BCKDHA: variants seen among roughly 807,000 people sequenced by gnomAD.
BCKDHA encodes branched chain keto acid dehydrogenase E1 subunit alpha, also known as 2-oxoisovalerate dehydrogenase subunit alpha, mitochondrial.
In BCKDHA, 43 loss-of-function variants were observed where a neutral mutation model predicts 52.2. The ratio of observed to expected loss-of-function variants is 0.82; its 90% CI spans 0.64 to 1.06. The LOEUF (loss-of-function observed/expected upper bound fraction) is 1.06, where lower values mean the gene tolerates loss of function less well. BCKDHA is among the 50% of genes least tolerant of loss of function. The pLI is 0.00. For synonymous variants in BCKDHA, 234 were observed against 247.9 expected, an observed-to-expected ratio of 0.94 and a Z score of 0.53; for missense variants, 527 against 621.3, an observed-to-expected ratio of 0.85 and a Z score of 1.61.
chr19:41,400,070 TTTC>T (rs1158304848), intron 1 of BCKDHA, among the ~76,000 whole-genome samples: 1 of 151,332 alleles, frequency 6.6e-6, no homozygotes, highest in Non-Finnish European at 1.5e-5. Context: ...CGCCTAGCCT[TTTC>T]TTTTTTTGAG....
intron 4 of BCKDHA, 32 bp downstream of exon 4, chr19:41,414,189 C>T: frequency 1.9e-6 from 3 of 1,588,974 alleles, no homozygotes; most frequent in Admixed American, 1.7e-5. Flanking sequence ...CCCTGTGGTC[C>T]CCATTGAAGT....
intron 1 of BCKDHA, among the ~76,000 whole-genome samples, chr19:41,401,092 T>C (rs2039134236): frequency 6.6e-6 from 1 of 152,046 alleles, no homozygotes; most frequent in African/African-American, 2.4e-5. Context: ...TTTTGTTTTT[T>C]CGAGGTGGAG....
chr19:41,415,423 C>T (rs2039297578), intron 4 of BCKDHA: 1 of 152,280 alleles, frequency 6.6e-6, no homozygotes, highest in African/African-American at 2.4e-5. Flanking sequence ...GAATGACTGT[C>T]CAGCACTGAG....
At chr19:41,420,933 C>T (rs284649) in intron 5 of BCKDHA, among the ~76,000 whole-genome samples, 99,918 of 152,174 alleles carry the variant, frequency 0.66, 33,875 homozygotes, top group African/African-American at 0.82. Flanking sequence ...GCCCTGGCTT[C>T]TTTGCCCTAG....
At chr19:41,406,660 C>G (rs2039196532) in intron 1 of BCKDHA, among the ~76,000 whole-genome samples, 1 of 152,092 alleles carries the variant, frequency 6.6e-6, no homozygotes, top group Non-Finnish European at 1.5e-5. Flanking sequence ...ACATCCGCCT[C>G]CCAGGTTCAA....
At chr19:41,414,922 C>A (rs2039292650) in intron 4 of BCKDHA, among the ~76,000 whole-genome samples, 1 of 152,108 alleles carries the variant, frequency 6.6e-6, no homozygotes, top group Non-Finnish European at 1.5e-5. Flanking sequence ...GCCTCTGTTT[C>A]CTCATTCGTA....
In BCKDHA at chr19:41,424,667, A is replaced by G. The variant is rs1222023265; in HGVS notation, c.*59A>G. Reference sequence around the variant, plus strand: ...TACCCCGAGAGGTAGCCCCACTCTAAGGGGAGCAGGGGGACCTGACAGCAC... The same window carrying G: ...TACCCCGAGAGGTAGCCCCACTCTAGGGGGAGCAGGGGGACCTGACAGCAC... On this transcript the variant is annotated 3_prime_UTR_variant, in exon 9 of 9. Transcript: ENST00000269980. 4.0e-6 allele frequency: 6 copies of G among 1,516,754 alleles called. No individual in the cohort carries two copies. Among genetic ancestry groups the G allele is most frequent in the South Asian group, 2.5e-5 (2 of 79,580 alleles). The allele number at this position is 1,516,754 out of a possible 1,614,324, so 94.0% of individuals were successfully genotyped here.
intron 1 of BCKDHA, among the ~76,000 whole-genome samples, chr19:41,402,102 A>G (rs2039145077): frequency 6.6e-6 from 1 of 152,010 alleles, no homozygotes; most frequent in African/African-American, 2.4e-5. Flanking sequence ...TTGCAGGGGA[A>G]CTCCCCTTTA....
intron 6 of BCKDHA, 101 bp from the exon 7 acceptor site, chr19:41,422,528 A>G: frequency 1.9e-6 from 3 of 1,588,232 alleles, no homozygotes. Flanking sequence ...GGTCCTGAGC[A>G]CTCAGCCTTG....
chr19:41,399,502 A>T (rs959292425), intron 1 of BCKDHA: 1 of 151,890 alleles, frequency 6.6e-6, no homozygotes, highest in Non-Finnish European at 1.5e-5. Context: ...TCTCTTGATT[A>T]CCTTTCCTCT....
intron 8 of BCKDHA, 92 bp from the exon 9 acceptor site, chr19:41,424,346 G>T: frequency 7.1e-7 from 1 of 1,402,502 alleles, no homozygotes. Context: ...CAAAGGCTTG[G>T]AGTGGTTAAT....
chr19:41,422,789 G>A lies in BCKDHA; in HGVS notation c.995+19G>A, dbSNP rs373076000. ...CCTACAGGTGCCTGCCGCTCCCCCC[G>A]TCAGCACCCCCACAGCACTGACAGC... is the stretch of plus-strand genomic sequence containing the variant. On this transcript the variant is annotated intron_variant, in intron 7 of 8. Coordinates refer to ENST00000269980, the MANE Select transcript of BCKDHA (RefSeq NM_000709.4). The A allele has an allele frequency of 4.5e-5, 72 of 1,612,322 alleles. No individual in the cohort carries two copies. In the African/African-American group the frequency reaches 5.2e-4, roughly 12 times the overall value.
At position 41,424,757 on chromosome 19, in the gene BCKDHA, A is replaced by G; in HGVS notation, c.*149A>G. 1 of 826,184 alleles carries G rather than the reference A, an allele frequency of 1.2e-6. No homozygotes were observed. The highest frequency in any genetic ancestry group is 1.8e-6 in the Non-Finnish European group (1 of 548,522). The allele number at this position is 826,184 out of a possible 1,614,324, so 51.2% of individuals were successfully genotyped here. ...GCGGCCAGGGCGGCTGCCACTCTTC[A>G]CCCCTGCTCCTCCCGGCTGTTACAT... On this transcript the variant is annotated 3_prime_UTR_variant, in exon 9 of 9. Coordinates refer to ENST00000269980, the MANE Select transcript of BCKDHA (RefSeq NM_000709.4).
Position 41,424,482 on chromosome 19 carries a change from C to A in BCKDHA, c.1212C>A (p.Asn404Lys). ...AGGCCGAGCGGAAGCCCAAACCCAA[C>A]CCCAACCTACTCTTCTCAGACGTGT... ...FEQAERKPKP[N>K]PNLLFSDVYQ... Residue 404 changes from asparagine (N) to lysine (K), a missense_variant, in exon 9 of 9, where the codon AAC becomes AAA. Physicochemically the swap from Asn to Lys is moderately conservative, Grantham distance 94. Coordinates refer to ENST00000269980, the MANE Select transcript of BCKDHA (RefSeq NM_000709.4). 6.2e-7 allele frequency: 1 copy of A among 1,614,158 alleles called. No individual in the cohort carries two copies. Among genetic ancestry groups the A allele is most frequent in the Non-Finnish European group, 8.5e-7 (1 of 1,180,032 alleles).
At chr19:41,409,991 G>A (rs1427803837) in intron 1 of BCKDHA, among the ~76,000 whole-genome samples, 1 of 152,108 alleles carries the variant, frequency 6.6e-6, no homozygotes, top group Admixed American at 6.5e-5. Context: ...AGTGGGTACA[G>A]GGTTTCGCCA....
At position 41,410,991 on chromosome 19, in the gene BCKDHA, C is replaced by T. The variant is rs1365978691; in HGVS notation, c.357C>T (p.Leu119=). The T allele has an allele frequency of 1.2e-6, 2 of 1,614,014 alleles. No homozygotes were observed. The highest frequency in any genetic ancestry group is 2.2e-5 in the East Asian group (1 of 44,896). ...TGCTTAACACCATGGACCGCATCCTCTATGAGTCTCAGCGGCAGGTGCGTG... is the reference window on the plus strand; with the variant it reads ...TGCTTAACACCATGGACCGCATCCTTTATGAGTCTCAGCGGCAGGTGCGTG... The part of the protein sequence containing the change: ...MTLLNTMDRI[L]YESQRQGRIS... Residue 119 remains leucine, a synonymous_variant, in exon 3 of 9, where the codon CTC becomes CTT. Coordinates refer to ENST00000269980, the MANE Select transcript of BCKDHA (RefSeq NM_000709.4).
chr19:41,412,104 C>T (rs3816037), intron 3 of BCKDHA, among the ~76,000 whole-genome samples: 88,368 of 151,968 alleles, frequency 0.58, 25,930 homozygotes, highest in Middle Eastern at 0.62. Flanking sequence ...CATGTCCATC[C>T]GTATGCCAGG....
chr19:41,417,436 T>C (rs962885866), intron 4 of BCKDHA, among the ~76,000 whole-genome samples: 3 of 152,176 alleles, frequency 2.0e-5, no homozygotes, highest in Admixed American at 6.5e-5. Context: ...GGACCTTCTT[T>C]GACCCTCTAC....
At chr19:41,421,136 G>A (rs1205712277) in intron 5 of BCKDHA, among the ~76,000 whole-genome samples, 3 of 152,312 alleles carry the variant, frequency 2.0e-5, no homozygotes, top group Non-Finnish European at 4.4e-5. Context: ...TGAGCTAAAG[G>A]TAATAGGGTT....
Sources: allele counts gnomAD v4.1 joint callset (sites outside exome capture counted in the v4.1 genomes callset), GRCh38; gene constraint gnomAD v4.1.1; transcripts MANE v1.5; gene names NCBI Gene and HGNC (gene_info 2026-07-23, HGNC 2026-07-21).